The following DLG2 variants were observed in gnomAD, a reference collection of about 807,000 sequenced individuals.
The protein encoded by DLG2 is disks large homolog 2.
In DLG2, 45 loss-of-function variants were observed where a neutral mutation model predicts 132.5. The ratio of observed to expected loss-of-function variants is 0.34; its 90% CI spans 0.27 to 0.44. The LOEUF (loss-of-function observed/expected upper bound fraction) is 0.44, where lower values mean the gene tolerates loss of function less well. Among genes scored for constraint, DLG2 ranks in the 20% least tolerant of loss-of-function variants. The pLI is 1.00. For missense variants in DLG2, 1,045 were observed against 1,196.9 expected, an observed-to-expected ratio of 0.87 and a Z score of 1.87; for synonymous variants, 424 against 419.6, an observed-to-expected ratio of 1.01 and a Z score of -0.13.
chr11:84,140,285 C>T (rs968484238), intron 9 of DLG2, among the ~76,000 whole-genome samples: 1 of 151,966 alleles, frequency 6.6e-6, no homozygotes, highest in Non-Finnish European at 1.5e-5. Context: ...GTTTCCTTTT[C>T]CTATTTCACA....
chr11:85,132,250 G>T (rs1362240128), intron 5 of DLG2, among the ~76,000 whole-genome samples: 1 of 151,954 alleles, frequency 6.6e-6, no homozygotes, highest in Non-Finnish European at 1.5e-5. Context: ...TTAACTCAGG[G>T]CCTTGAGATT....
chr11:84,399,072 A>T (rs377192132), intron 7 of DLG2, among the ~76,000 whole-genome samples: 1 of 152,188 alleles, frequency 6.6e-6, no homozygotes, highest in African/African-American at 2.4e-5. Flanking sequence ...TTAACAATTA[A>T]TTATCTTAAT....
At chr11:84,901,178 T>A (rs913887352) in intron 6 of DLG2, among the ~76,000 whole-genome samples, 1 of 152,036 alleles carries the variant, frequency 6.6e-6, no homozygotes, top group African/African-American at 2.4e-5. Flanking sequence ...ACAATAGCCA[T>A]AATATATATT....
intron 6 of DLG2, among the ~76,000 whole-genome samples, chr11:84,994,065 TA>T (rs2057398620): frequency 6.6e-6 from 1 of 152,136 alleles, no homozygotes; most frequent in Non-Finnish European, 1.5e-5. Context: ...AAAAATAATT[TA>T]AAAAAGTGAC....
At chr11:84,205,063 G>T (rs2096648075) in intron 8 of DLG2, among the ~76,000 whole-genome samples, 1 of 152,122 alleles carries the variant, frequency 6.6e-6, no homozygotes, top group Non-Finnish European at 1.5e-5. Flanking sequence ...GGTAAATAAA[G>T]CTAACACAAA....
chr11:83,509,109 A>G (rs2094881732), intron 21 of DLG2, among the ~76,000 whole-genome samples: 1 of 152,202 alleles, frequency 6.6e-6, no homozygotes, highest in South Asian at 2.1e-4. Context: ...TTTGTTAAGT[A>G]AGGAAAGTGC....
At chr11:84,165,100 G>A (rs1282653615) in intron 8 of DLG2, among the ~76,000 whole-genome samples, 5 of 152,224 alleles carry the variant, frequency 3.3e-5, no homozygotes, top group African/African-American at 9.6e-5. Flanking sequence ...GGACAATAGG[G>A]GAAGGCTGAA....
At chr11:84,620,158 T>C (rs918010220) in intron 6 of DLG2, among the ~76,000 whole-genome samples, 1 of 151,566 alleles carries the variant, frequency 6.6e-6, no homozygotes, top group Non-Finnish European at 1.5e-5. Flanking sequence ...ATACAGAACA[T>C]AGAAACAGGC....
chr11:83,895,677 C>T (rs1305263874), intron 15 of DLG2, among the ~76,000 whole-genome samples: 1 of 152,180 alleles, frequency 6.6e-6, no homozygotes, highest in Non-Finnish European at 1.5e-5. Context: ...CTTTACCCAG[C>T]CTGCTGCTAT....
chr11:84,040,496 G>T (rs2096039970), intron 11 of DLG2, among the ~76,000 whole-genome samples: 1 of 151,880 alleles, frequency 6.6e-6, no homozygotes, highest in African/African-American at 2.4e-5. Flanking sequence ...CCCATTGCCT[G>T]TTTTTCTCAG....
At chr11:85,274,794 A>T (rs1188710209) in intron 4 of DLG2, among the ~76,000 whole-genome samples, 8 of 152,204 alleles carry the variant, frequency 5.3e-5, no homozygotes, top group Admixed American at 5.2e-4. Flanking sequence ...CGTAAGTCAT[A>T]AGACTCCCAT....
chr11:84,812,848 T>A (rs2153973818), intron 6 of DLG2, among the ~76,000 whole-genome samples: 1 of 152,262 alleles, frequency 6.6e-6, no homozygotes, highest in Middle Eastern at 3.4e-3. Flanking sequence ...GTATCTGCAA[T>A]CTGCAAATTG....
intron 9 of DLG2, among the ~76,000 whole-genome samples, chr11:84,138,427 C>T (rs1435884777): frequency 6.6e-6 from 1 of 152,170 alleles, no homozygotes; most frequent in Non-Finnish European, 1.5e-5. Flanking sequence ...GGAGCATCCT[C>T]GAGGTTCCAC....
chr11:84,017,779 T>G (rs1039844234), intron 11 of DLG2, among the ~76,000 whole-genome samples: 4 of 152,014 alleles, frequency 2.6e-5, no homozygotes, highest in Admixed American at 6.6e-5. Context: ...TAACAATAAT[T>G]ACAACACTTA....
chr11:85,065,544 T>A (rs954206128), intron 6 of DLG2, among the ~76,000 whole-genome samples: 3 of 147,978 alleles, frequency 2.0e-5, no homozygotes, highest in East Asian at 1.9e-4. Flanking sequence ...CAGCTTTTTT[T>A]AAATTTTAAT....
At chr11:84,387,993 C>G (rs1437166612) in intron 7 of DLG2, among the ~76,000 whole-genome samples, 1 of 152,108 alleles carries the variant, frequency 6.6e-6, no homozygotes, top group Non-Finnish European at 1.5e-5. Flanking sequence ...ATGATTTCTT[C>G]CAGCAAAAAT....
intron 8 of DLG2, among the ~76,000 whole-genome samples, chr11:84,177,042 A>G (rs1464431693): frequency 6.6e-6 from 1 of 152,190 alleles, no homozygotes; most frequent in Non-Finnish European, 1.5e-5. Context: ...CTCCTTTAAT[A>G]TAGTAAACAA....
intron 7 of DLG2, among the ~76,000 whole-genome samples, chr11:84,358,346 A>G (rs2098629949): frequency 6.6e-6 from 1 of 151,158 alleles, no homozygotes; most frequent in African/African-American, 2.4e-5. Context: ...TGTCTTCATC[A>G]AACAGCAAGT....
At chr11:84,925,230 T>C (rs775567559) in intron 6 of DLG2, among the ~76,000 whole-genome samples, 1 of 152,134 alleles carries the variant, frequency 6.6e-6, no homozygotes, top group Non-Finnish European at 1.5e-5. Flanking sequence ...CAAAAAGAAC[T>C]GGAAAATGTT....
Sources: allele counts gnomAD v4.1 joint callset (sites outside exome capture counted in the v4.1 genomes callset), GRCh38; gene constraint gnomAD v4.1.1; transcripts MANE v1.5; gene names NCBI Gene and HGNC (gene_info 2026-07-23, HGNC 2026-07-21).